Variants in TMEM201 observed in about 807,000 individuals in gnomAD.
The protein encoded by TMEM201 is RP13-15M17.2.
TMEM201 carries 26 observed loss-of-function variants against 63.4 expected under a neutral mutation model. The observed-to-expected ratio is 0.41, with a 90% CI of 0.30 to 0.57. The LOEUF (loss-of-function observed/expected upper bound fraction) is 0.57. Ranked by LOEUF, TMEM201 falls within the 20% of genes least tolerant of loss-of-function variation. The pLI, the probability that TMEM201 is intolerant of heterozygous loss-of-function variation, is 0.29. For missense variants in TMEM201, 794 were observed against 917.7 expected, an observed-to-expected ratio of 0.87 and a Z score of 1.74; for synonymous variants, 417 against 421.6, an observed-to-expected ratio of 0.99 and a Z score of 0.14.
intron 1 of TMEM201, among the ~76,000 whole-genome samples, chr1:9,595,098 C>T (rs1209380868): frequency 6.6e-6 from 1 of 152,206 alleles, no homozygotes; most frequent in Non-Finnish European, 1.5e-5. Context: ...CCTGGATTTC[C>T]GGAACTGGGG....
intron 6 of TMEM201, chr1:9,602,634 A>C: frequency 8.6e-7 from 1 of 1,161,238 alleles, no homozygotes; most frequent in Non-Finnish European, 1.1e-6. Flanking sequence ...CCCTCTCACC[A>C]CGCCGTTTGC....
rs1040512461 is a variant in TMEM201, at chr1:9,610,872, G to A, written c.1765+67G>A. 1.5e-5 allele frequency: 22 copies of A among 1,491,338 alleles called. No homozygotes were observed. In the African/African-American group the frequency reaches 1.8e-4, roughly 12 times the overall value. The allele number at this position is 1,491,338 out of a possible 1,614,324, so 92.4% of individuals were successfully genotyped here. On this transcript the variant is annotated intron_variant, in intron 9 of 10. Coordinates refer to ENST00000340381, the MANE Select transcript of TMEM201 (RefSeq NM_001130924.3). This position sits in a 1 kb window ranked among gnomAD's most constrained non-coding sequence, Gnocchi z 4.9. Reference sequence around the variant, plus strand: ...CTGCTGCCAAGAGGCCTGGCTGTGCGGCGGTGGGGGGGCTCATCCTTGCTC... The same window carrying A: ...CTGCTGCCAAGAGGCCTGGCTGTGCAGCGGTGGGGGGGCTCATCCTTGCTC...
In TMEM201 at chr1:9,604,704, C is replaced by T. The variant is rs1195826469; in HGVS notation, c.1160+2432C>T. 1.6e-5 allele frequency: 16 copies of T among 986,010 alleles called. No individual in the cohort carries two copies. The East Asian group carries it at 3.4e-4, about 21-fold the overall frequency. The allele number at this position is 986,010 out of a possible 1,614,324, so 61.1% of individuals were successfully genotyped here. ...CCCCACCCAGGCCAAGCCGGCCCCCCGTACCCCTTGCCTGGGAGCAAACCG... is the reference window on the plus strand; with the variant it reads ...CCCCACCCAGGCCAAGCCGGCCCCCTGTACCCCTTGCCTGGGAGCAAACCG... On this transcript the variant is annotated intron_variant, in intron 6 of 10. Coordinates refer to ENST00000340381, the MANE Select transcript of TMEM201 (RefSeq NM_001130924.3). The surrounding 1 kb of genome is among the most constrained non-coding windows in gnomAD (Gnocchi z 4.1).
In TMEM201 at chr1:9,605,428, A is replaced by G. The variant is rs1211498787; in HGVS notation, c.1161-2129A>G. 1.3e-5 allele frequency among the ~76,000 whole-genome samples: 2 copies of G among 151,976 alleles called. No homozygotes were observed. Among genetic ancestry groups the G allele is most frequent in the African/African-American group, 4.8e-5 (2 of 41,332 alleles). On this transcript the variant is annotated intron_variant, in intron 6 of 10. Coordinates refer to ENST00000340381, the MANE Select transcript of TMEM201 (RefSeq NM_001130924.3). The surrounding 1 kb of genome is among the most constrained non-coding windows in gnomAD (Gnocchi z 5.7). ...CCTGGTCTCTTAGTCCCTCTCTGAG[A>G]CGTGGTTTGAGGGCACAGGGCAGTC...
At chr1:9,611,344 C>T (rs764470614) in intron 9 of TMEM201, among the ~76,000 whole-genome samples, 7 of 152,046 alleles carry the variant, frequency 4.6e-5, no homozygotes, top group South Asian at 2.1e-4. Context: ...ACTACAGGTG[C>T]GCGCCACCAT....
rs1279242599 is a variant in TMEM201 at position 9,589,362 on chromosome 1, T to C, written c.113+319T>C. On this transcript the variant is annotated intron_variant, in intron 1 of 10. Transcript: ENST00000340381. Reference sequence around the variant, plus strand: ...GCCGCCCCTGCCCTCAGCCCCGTGCTGGGCCCCGGTGCACGGCGATGCTGG... The same window carrying C: ...GCCGCCCCTGCCCTCAGCCCCGTGCCGGGCCCCGGTGCACGGCGATGCTGG... Among the ~76,000 whole-genome samples the C allele has an allele frequency of 2.0e-5, 3 of 152,248 alleles. No individual in the cohort carries two copies. In the East Asian group the frequency reaches 5.8e-4, roughly 29 times the overall value.
Position 9,613,341 on chromosome 1 carries a change from A to T in TMEM201, c.*258A>T. On this transcript the variant is annotated 3_prime_UTR_variant, in exon 11 of 11. Coordinates refer to ENST00000340381, the MANE Select transcript of TMEM201 (RefSeq NM_001130924.3). ...GGTTGTGTTTGGTGCTGACACTCTG[A>T]TCCCGAAGCCAGGGAGCCCCAAGGG... 1 of 544,740 alleles carries T rather than the reference A, an allele frequency of 1.8e-6. No individual in the cohort carries two copies. Among genetic ancestry groups the T allele is most frequent in the Non-Finnish European group, 3.3e-6 (1 of 303,238 alleles). 33.7% of individuals were successfully genotyped at this position (544,740 alleles called of 1,614,324 possible). A position where few individuals can be genotyped will look rare whatever the true frequency, so the allele number is the denominator to read the frequency against.
Position 9,595,212 on chromosome 1 carries a change from CA to C in TMEM201, c.114-677del, listed in dbSNP as rs749193544. ...AGGGGGGCCCAGAGCATAGATCCCC[CA>C]GTGTCTGGGCTGGGATTATCCCGAG... On this transcript the variant is annotated intron_variant, in intron 1 of 10. Coordinates refer to ENST00000340381, the MANE Select transcript of TMEM201 (RefSeq NM_001130924.3). Among the ~76,000 whole-genome samples, 78 of 152,314 alleles carry C rather than the reference CA, an allele frequency of 5.1e-4. No individual in the cohort carries two copies. In the Middle Eastern group the frequency reaches 0.02, roughly 40 times the overall value.
rs894461441 is a variant in TMEM201 at position 9,607,910 on chromosome 1, C to T, written c.1393+121C>T. ...TTAGTGTTCCTGCTGCAGAGACAGG[C>T]AGCACAGAGCTTTGAGCCTCAGTTC... On this transcript the variant is annotated intron_variant, in intron 7 of 10. Transcript: ENST00000340381. This position sits in a 1 kb window ranked among gnomAD's most constrained non-coding sequence, Gnocchi z 5.4. 1.4e-5 allele frequency: 13 copies of T among 943,668 alleles called. No individual in the cohort carries two copies. In the African/African-American group the frequency reaches 2.0e-4, roughly 14 times the overall value. The allele number at this position is 943,668 out of a possible 1,614,324, so 58.5% of individuals were successfully genotyped here.
In TMEM201 at chr1:9,610,400, C is replaced by T; in HGVS notation, c.1466-106C>T. On this transcript the variant is annotated intron_variant, in intron 8 of 10. Coordinates refer to ENST00000340381, the MANE Select transcript of TMEM201 (RefSeq NM_001130924.3). This position sits in a 1 kb window ranked among gnomAD's most constrained non-coding sequence, Gnocchi z 4.9. Reference sequence around the variant, plus strand: ...CCTGTCCCCAGTCTCTGCACCTTTCCTGTCTTCCCGGGTTAATAGAAGAAT... The same window carrying T: ...CCTGTCCCCAGTCTCTGCACCTTTCTTGTCTTCCCGGGTTAATAGAAGAAT... The T allele has an allele frequency of 2.5e-6, 3 of 1,186,922 alleles. No individual in the cohort carries two copies. The highest frequency in any genetic ancestry group is 3.4e-6 in the Non-Finnish European group (3 of 869,742). 73.5% of individuals were successfully genotyped at this position (1,186,922 alleles called of 1,614,324 possible).
At chr1:9,597,783 G>C (rs1364792129) in intron 3 of TMEM201, among the ~76,000 whole-genome samples, 1 of 152,208 alleles carries the variant, frequency 6.6e-6, no homozygotes, top group Non-Finnish European at 1.5e-5. Context: ...CCTGCGAGAA[G>C]GGGAAGGCAG....
rs1425135176 is a variant in TMEM201 at position 9,601,229 on chromosome 1, C to T, written c.731C>T (p.Thr244Ile). 1 of 1,611,974 alleles carries T rather than the reference C, an allele frequency of 6.2e-7. No homozygotes were observed. The highest frequency in any genetic ancestry group is 2.2e-5 in the East Asian group (1 of 44,880). The change falls in exon 5 of 11, where the codon ACC (threonine) becomes ATC (isoleucine). Residue 244 changes from threonine (T) to isoleucine (I), a missense_variant. Physicochemically the swap from Thr to Ile is moderately conservative, Grantham distance 89. Coordinates refer to ENST00000340381, the MANE Select transcript of TMEM201 (RefSeq NM_001130924.3). ...GCCAGCGGACACTTCGCCCCAGGCACCACTGTGCCCCTGGCCCTGCCACCT... is the reference window on the plus strand; with the variant it reads ...GCCAGCGGACACTTCGCCCCAGGCATCACTGTGCCCCTGGCCCTGCCACCT... Reference protein sequence around the residue: ...YGASGHFAPGTTVPLALPPGG... With the variant: ...YGASGHFAPGITVPLALPPGG...
rs966819871 is a variant in TMEM201, at chr1:9,612,315, G to A, written c.1903+425G>A. Among the ~76,000 whole-genome samples, 15 of 152,318 alleles carry A rather than the reference G, an allele frequency of 9.8e-5. 1 individual carries two copies. Among genetic ancestry groups the A allele is most frequent in the Admixed American group, 6.5e-4 (10 of 15,304 alleles). The stretch of plus-strand genomic sequence containing the variant: ...CCTGGGTGCACCGGGACCACGTCAC[G>A]CTGGGGCTGCAGCCTGCACCGGGTG... On this transcript the variant is annotated intron_variant, in intron 10 of 10. Coordinates refer to ENST00000340381, the MANE Select transcript of TMEM201 (RefSeq NM_001130924.3).
chr1:9,609,769 C>G, intron 7 of TMEM201, 71 bp from the exon 8 acceptor site: 1 of 1,432,000 alleles, frequency 7.0e-7, no homozygotes, highest in African/African-American at 1.4e-5. Flanking sequence ...GGGATTTCGG[C>G]AGAGCATTTG....
intron 4 of TMEM201, among the ~76,000 whole-genome samples, chr1:9,600,191 C>T (rs1426174783): frequency 6.6e-6 from 1 of 152,178 alleles, no homozygotes; most frequent in Non-Finnish European, 1.5e-5. Context: ...GATTTTACTA[C>T]TTAACCTCCT....
At chr1:9,601,958 G>C in intron 5 of TMEM201, 111 bp from the exon 6 acceptor site, 1 of 1,315,140 alleles carries the variant, frequency 7.6e-7, no homozygotes. Context: ...CTGTCCCCTG[G>C]CTCTGGACTC....
rs1644179915 is a variant in TMEM201 at position 9,603,197 on chromosome 1, G to A, written c.1160+925G>A. The A allele has an allele frequency of 2.0e-6, 2 of 985,416 alleles. No individual in the cohort carries two copies. The highest frequency in any genetic ancestry group is 6.2e-5 in the Admixed American group (1 of 16,260). The allele number at this position is 985,416 out of a possible 1,614,324, so 61.0% of individuals were successfully genotyped here. ...CGCCACTCTGTCCTCCGACTCAGGTGAGGGGGCAGCCCACAGACCTGCTCC... is the reference window on the plus strand; with the variant it reads ...CGCCACTCTGTCCTCCGACTCAGGTAAGGGGGCAGCCCACAGACCTGCTCC... On this transcript the variant is annotated intron_variant, in intron 6 of 10. Transcript: ENST00000340381. The surrounding 1 kb of genome is among the most constrained non-coding windows in gnomAD (Gnocchi z 4.5).
At chr1:9,611,681 G>A (rs1377125846) in intron 9 of TMEM201, 72 bp from the exon 10 acceptor site, 2 of 1,541,864 alleles carry the variant, frequency 1.3e-6, no homozygotes, top group Admixed American at 3.9e-5. Context: ...TAGAGTGGAA[G>A]TACAGCTGCC....
chr1:9,596,131 C>A, intron 2 of TMEM201, 121 bp downstream of exon 2: 2 of 1,291,696 alleles, frequency 1.5e-6, no homozygotes, highest in African/African-American at 1.5e-5. Flanking sequence ...CACCCTCATA[C>A]CCTGTCCTCT....
Sources: gnomAD v4.1 joint callset for allele counts (sites outside exome capture counted in the v4.1 genomes callset) on GRCh38, gnomAD v4.1.1 for gene constraint, Gnocchi (gnomAD v3.1) non-coding constraint, MANE v1.5 for transcripts, NCBI Gene and HGNC (gene_info 2026-07-23, HGNC 2026-07-21) for gene names.